The following TDRD3 variants were observed in gnomAD, a reference collection of about 807,000 sequenced individuals.
TDRD3 encodes the protein tudor domain-containing protein 3.
TDRD3 carries 45 observed loss-of-function variants against 86.7 expected under a neutral mutation model. The observed-to-expected ratio is 0.52, with a 90% CI of 0.41 to 0.67. TDRD3 has a LOEUF of 0.67. Ranked by LOEUF, TDRD3 falls within the 30% of genes least tolerant of loss-of-function variation. The pLI is 0.00. For synonymous variants in TDRD3, 298 were observed against 301.7 expected (o/e 0.99, Z 0.13); for missense variants, 814 against 889.0 (o/e 0.92, Z 1.07).
At chr13:60,440,911 T>G (rs1955248566) in intron 2 of TDRD3, among the ~76,000 whole-genome samples, 1 of 152,164 alleles carries the variant, frequency 6.6e-6, no homozygotes, top group Non-Finnish European at 1.5e-5. Flanking sequence ...TAAATAAATG[T>G]ATAAATCTAA....
intron 10 of TDRD3, among the ~76,000 whole-genome samples, chr13:60,517,545 A>C (rs1957201132): frequency 1.3e-5 from 2 of 152,224 alleles, no homozygotes; most frequent in South Asian, 4.1e-4. Flanking sequence ...CCAGCACAGC[A>C]GAAAGCAGAA....
intron 1 of TDRD3, among the ~76,000 whole-genome samples, chr13:60,421,692 T>G (rs1040751753): frequency 6.6e-6 from 1 of 152,084 alleles, no homozygotes; most frequent in Non-Finnish European, 1.5e-5. Flanking sequence ...ACAGAGAATG[T>G]GGAAACTATC....
rs78443840 is a variant in TDRD3 at position 60,466,344 on chromosome 13, A to T, written c.354-894A>T. Among the ~76,000 whole-genome samples the T allele has an allele frequency of 1.6e-3, 251 of 152,322 alleles. 7 individuals carry two copies. In the East Asian group the frequency reaches 0.042, roughly 26 times the overall value. On this transcript the variant is annotated intron_variant, in intron 4 of 13. Coordinates refer to ENST00000377881, the MANE Select transcript of TDRD3 (RefSeq NM_001146070.2). ...TCAGAGGGAAAAAATGTCAAATCTTATATAGCATAGCATAGTTGAAAAAGT... is the reference window on the plus strand; with the variant it reads ...TCAGAGGGAAAAAATGTCAAATCTTTTATAGCATAGCATAGTTGAAAAAGT...
At chr13:60,540,748 CATATT>C (rs764154018) in intron 12 of TDRD3, among the ~76,000 whole-genome samples, 3 of 152,032 alleles carry the variant, frequency 2.0e-5, no homozygotes, top group Non-Finnish European at 4.4e-5. Flanking sequence ...CTGATAATAA[CATATT>C]ATAATCTATT....
chr13:60,515,647 T>C (rs1423140255), intron 10 of TDRD3, among the ~76,000 whole-genome samples: 1 of 152,228 alleles, frequency 6.6e-6, no homozygotes, highest in Non-Finnish European at 1.5e-5. Context: ...GTTGACCTGC[T>C]CACACTACTC....
At chr13:60,489,967 T>A (rs571241412) in intron 7 of TDRD3, among the ~76,000 whole-genome samples, 74 of 152,152 alleles carry the variant, frequency 4.9e-4, no homozygotes, top group African/African-American at 1.7e-3. Context: ...TGGAGCATAG[T>A]TAACCTATTA....
chr13:60,537,129 T>C (rs1957711800), intron 12 of TDRD3: 1 of 152,080 alleles, frequency 6.6e-6, no homozygotes, highest in South Asian at 2.1e-4. Flanking sequence ...TTGAAATATT[T>C]TACAGAAAGA....
chr13:60,504,106 A>C (rs879482890), intron 8 of TDRD3, among the ~76,000 whole-genome samples: 15 of 152,202 alleles, frequency 9.9e-5, no homozygotes, highest in Non-Finnish European at 1.8e-4. Context: ...AGAATTTTTT[A>C]AATCTTTTTA....
chr13:60,553,325 C>T (rs532204207), intron 12 of TDRD3, among the ~76,000 whole-genome samples: 1 of 152,238 alleles, frequency 6.6e-6, no homozygotes, highest in South Asian at 2.1e-4. Context: ...TTGGTCAACA[C>T]CATTCAACAA....
intron 4 of TDRD3, among the ~76,000 whole-genome samples, chr13:60,463,322 A>G (rs1955841075): frequency 6.9e-6 from 1 of 145,386 alleles, no homozygotes; most frequent in African/African-American, 2.5e-5. Context: ...AGAACACACC[A>G]TTGCGCTCCA....
At chr13:60,562,784 G>A (rs1958365883) in intron 12 of TDRD3, among the ~76,000 whole-genome samples, 1 of 152,072 alleles carries the variant, frequency 6.6e-6, no homozygotes, top group Admixed American at 6.6e-5. Context: ...ATAGCTATTA[G>A]GTGACAGTAT....
intron 5 of TDRD3, among the ~76,000 whole-genome samples, chr13:60,476,912 A>T (rs1438236469): frequency 6.6e-6 from 1 of 152,138 alleles, no homozygotes; most frequent in Non-Finnish European, 1.5e-5. Context: ...TGTATGCTGA[A>T]ACTTTACTGA....
At chr13:60,540,637 A>G (rs1176735128) in intron 12 of TDRD3, among the ~76,000 whole-genome samples, 1 of 152,206 alleles carries the variant, frequency 6.6e-6, no homozygotes, top group East Asian at 1.9e-4. Flanking sequence ...ATCTAGCTAT[A>G]TTATTCAATG....
intron 3 of TDRD3, among the ~76,000 whole-genome samples, chr13:60,450,788 G>A (rs1365483378): frequency 6.6e-6 from 1 of 152,120 alleles, no homozygotes; most frequent in African/African-American, 2.4e-5. Flanking sequence ...CTATGTCAAA[G>A]GTGTGTACAA....
chr13:60,460,776 GGA>G, intron 4 of TDRD3: 2 of 284,128 alleles, frequency 7.0e-6, no homozygotes, highest in Non-Finnish European at 1.3e-5. Context: ...AGGCCAAGGG[GGA>G]CGGATCACCC....
intron 12 of TDRD3, among the ~76,000 whole-genome samples, chr13:60,553,937 T>G (rs1958126386): frequency 6.6e-6 from 1 of 152,226 alleles, no homozygotes; most frequent in Non-Finnish European, 1.5e-5. Context: ...CAACTCTTTT[T>G]AAAGTAAACT....
At chr13:60,413,817 T>C (rs1274863661) in intron 1 of TDRD3, among the ~76,000 whole-genome samples, 1 of 152,128 alleles carries the variant, frequency 6.6e-6, no homozygotes, top group Non-Finnish European at 1.5e-5. Flanking sequence ...CTCAAATATA[T>C]ATATCATACC....
At chr13:60,537,525 T>G (rs1436410250) in intron 12 of TDRD3, 1 of 152,022 alleles carries the variant, frequency 6.6e-6, no homozygotes. Context: ...GGTCTTTGAG[T>G]ACTTTTTAAA....
At chr13:60,484,638 T>A in intron 6 of TDRD3, 1 of 438,550 alleles carries the variant, frequency 2.3e-6, no homozygotes, top group South Asian at 1.7e-5. Context: ...CATTTTTGCA[T>A]CAAACCTATT....
Sources: allele counts gnomAD v4.1 joint callset (sites outside exome capture counted in the v4.1 genomes callset), GRCh38; gene constraint gnomAD v4.1.1; transcripts MANE v1.5; gene names NCBI Gene and HGNC (gene_info 2026-07-23, HGNC 2026-07-21).